Variants in IGSF8 observed in about 807,000 individuals in gnomAD.
IGSF8 encodes the protein CD81 partner 3.
A neutral mutation model predicts 55.5 loss-of-function variants in IGSF8; 46 were observed. The observed-to-expected ratio is 0.83, with a 90% CI of 0.65 to 1.06. IGSF8 has a LOEUF of 1.06. Among genes scored for constraint, IGSF8 ranks in the 50% least tolerant of loss-of-function variants. The pLI, the probability that IGSF8 is intolerant of heterozygous loss-of-function variation, is 0.00. For synonymous variants in IGSF8, 314 were observed against 356.1 expected, an observed-to-expected ratio of 0.88 and a Z score of 1.33; for missense variants, 731 against 832.3, an observed-to-expected ratio of 0.88 and a Z score of 1.50.
chr1:160,095,148 C>T lies in IGSF8; in HGVS notation c.163G>A (p.Glu55Lys), dbSNP rs777533380. ...TCGAAGTTCTGCTGGGCAGGGCCCTCATAGCCGGTCACATTGCAGGAGATG... is the reference window on the plus strand; with the variant it reads ...TCGAAGTTCTGCTGGGCAGGGCCCTTATAGCCGGTCACATTGCAGGAGATG... Reference protein sequence around the residue: ...VSISCNVTGYEGPAQQNFEWF... With the variant: ...VSISCNVTGYKGPAQQNFEWF... The change falls in exon 2 of 7, where the codon GAG (glutamate) becomes AAG (lysine). Residue 55 changes from glutamate to lysine, a missense_variant. Physicochemically the swap from Glu to Lys is moderately conservative, Grantham distance 56 (BLOSUM62 1). Transcript: ENST00000314485. 2.5e-6 allele frequency: 4 copies of T among 1,613,652 alleles called. No homozygotes were observed. The highest frequency in any genetic ancestry group is 1.1e-5 in the South Asian group (1 of 91,088).
rs753685342 is a variant in IGSF8, at chr1:160,091,841, C to T, written c.1824G>A (p.Lys608=). 13 of 1,613,728 alleles carry T rather than the reference C, an allele frequency of 8.1e-6. No homozygotes were observed. The highest frequency in any genetic ancestry group is 3.3e-5 in the South Asian group (3 of 91,084). ...VLGTITCCFM[K]RLRKR is the part of the protein sequence containing the mutation. ...TAAGGGATCACCGTTTTCGAAGCCT[C>T]TTCATGAAGCAGCAAGTGATGGTAC... Residue 608 remains lysine, a synonymous_variant, in exon 6 of 7, where the codon AAG becomes AAA. Transcript: ENST00000314485.
chr1:160,093,660 G>A (rs1181926982), intron 3 of IGSF8, 50 bp downstream of exon 3: 9 of 1,477,574 alleles, frequency 6.1e-6, no homozygotes, highest in Non-Finnish European at 8.3e-6. Context: ...GTGCCCACCA[G>A]GATACTGTCC....
rs1186474444 is a variant in IGSF8, at chr1:160,093,254, C to T, written c.982G>A (p.Val328Met). The change falls in exon 4 of 7, where the codon GTG (valine) becomes ATG (methionine). Residue 328 changes from valine (V) to methionine (M), a missense_variant. Val to Met is a conservative substitution (Grantham distance 21, BLOSUM62 1). Transcript: ENST00000314485. Reference sequence around the variant, plus strand: ...CCTGCTGGGGGAAGTGCCCCTGACACATTGCACAGCAGTTCCAAGGGCTCC... The same window carrying T: ...CCTGCTGGGGGAAGTGCCCCTGACATATTGCACAGCAGTTCCAAGGGCTCC... ...PGEPLELLCN[V>M]SGALPPAGRH... 1.2e-6 allele frequency: 2 copies of T among 1,613,742 alleles called. No individual in the cohort carries two copies. The highest frequency in any genetic ancestry group is 2.2e-5 in the East Asian group (1 of 44,898).
At position 160,093,992 on chromosome 1, in the gene IGSF8, C is replaced by T. The variant is rs777071877; in HGVS notation, c.622G>A (p.Glu208Lys). ...AGAGTTGACCGCCCAACTGGTGCCTCGGGCACAGATCGCCCAAAGGACACT... is the reference window on the plus strand; with the variant it reads ...AGAGTTGACCGCCCAACTGGTGCCTTGGGCACAGATCGCCCAAAGGACACT... ...LAVSFGRSVP[E>K]APVGRSTLQE... The change falls in exon 3 of 7, where the codon GAG (glutamate) becomes AAG (lysine). Residue 208 changes from glutamate (E) to lysine (K), a missense_variant. Transcript: ENST00000314485. The T allele has an allele frequency of 1.7e-5, 28 of 1,614,136 alleles. No homozygotes were observed. The Admixed American group carries it at 2.2e-4, about 12-fold the overall frequency.
chr1:160,092,169 C>T (rs12401728), intron 5 of IGSF8, 113 bp downstream of exon 5: 248,842 of 1,198,746 alleles, frequency 0.21, 27,971 homozygotes, highest in Admixed American at 0.27. Flanking sequence ...CTTCATGTGA[C>T]ATAATGTGGA....
In IGSF8 at chr1:160,094,243, T is replaced by C; in HGVS notation, c.443-72A>G. On this transcript the variant is annotated intron_variant, in intron 2 of 6. Coordinates refer to ENST00000314485, the MANE Select transcript of IGSF8 (RefSeq NM_052868.6). This position sits in a 1 kb window ranked among gnomAD's most constrained non-coding sequence, Gnocchi z 4.0. ...TTGTTACTGTTTCCTGTGTATAGCC[T>C]ATCTCCCTAAATAAACTGTGAGCTC... 4.3e-6 allele frequency: 4 copies of C among 935,808 alleles called. No homozygotes were observed. Among genetic ancestry groups the C allele is most frequent in the South Asian group, 1.6e-5 (1 of 60,852 alleles). 58.0% of individuals were successfully genotyped at this position (935,808 alleles called of 1,614,324 possible). A position where few individuals can be genotyped will look rare whatever the true frequency, so the allele number is the denominator to read the frequency against.
intron 1 of IGSF8, among the ~76,000 whole-genome samples, chr1:160,095,870 GC>G (rs1165072286): frequency 6.6e-6 from 1 of 152,254 alleles, no homozygotes; most frequent in Non-Finnish European, 1.5e-5. Flanking sequence ...TGCCCAGGCA[GC>G]TGGGGCTTCT....
chr1:160,091,688 C>G, intron 6 of IGSF8, 80 bp from the exon 7 acceptor site: 1 of 696,998 alleles, frequency 1.4e-6, no homozygotes, highest in Non-Finnish European at 2.6e-6. Flanking sequence ...CTTAACAGGG[C>G]CCTGTGGATC....
rs147903083 is a variant in IGSF8 at position 160,096,142 on chromosome 1, C to T, written c.65-896G>A. Among the ~76,000 whole-genome samples, 379 of 152,276 alleles carry T rather than the reference C, an allele frequency of 2.5e-3. 5 individuals are homozygous for T. The highest frequency in any genetic ancestry group is 8.6e-3 in the African/African-American group (359 of 41,554). The stretch of plus-strand genomic sequence containing the variant: ...CTCTCTTCTTCACCCTACTCCACCC[C>T]TATGCCCAACCCTACCCCAGCAGAT... On this transcript the variant is annotated intron_variant, in intron 1 of 6. Transcript: ENST00000314485.
rs756962178 is a variant in IGSF8, at chr1:160,095,230, G to A, written c.81C>T (p.Ala27=). ...GCCCCTCGGGGACCAGCACCTCCCG[G>A]GCCCAGCATCCCATTCCTGTAGGGA... is the stretch of plus-strand genomic sequence containing the variant. ...LLLMLGMGCW[A]REVLVPEGPL... The change falls in exon 2 of 7, where the codon GCC becomes GCT. Residue 27 remains alanine, a synonymous_variant. Transcript: ENST00000314485. 6.2e-7 allele frequency: 1 copy of A among 1,602,758 alleles called. No individual in the cohort carries two copies. The highest frequency in any genetic ancestry group is 1.1e-5 in the South Asian group (1 of 91,062).
In IGSF8 at chr1:160,092,245, A is replaced by T. The variant is rs149643143; in HGVS notation, c.1726+37T>A. 1,270 of 1,601,928 alleles carry T rather than the reference A, an allele frequency of 7.9e-4. 6 individuals carry two copies. In the East Asian group the frequency reaches 0.012, roughly 15 times the overall value. ...AAGGCCAGTGGCAGAGGCCAGGAGG[A>T]AGGCAGAGTGAGGAGGGTGGAGGGG... On this transcript the variant is annotated intron_variant, in intron 5 of 6. Coordinates refer to ENST00000314485, the MANE Select transcript of IGSF8 (RefSeq NM_052868.6).
intron 5 of IGSF8, 150 bp downstream of exon 5, chr1:160,092,132 C>A: frequency 1.0e-6 from 1 of 966,146 alleles, no homozygotes; most frequent in Non-Finnish European, 1.6e-6. Context: ...GTGGGCACTG[C>A]AGGGCTGGAA....
upstream of IGSF8, chr1:160,098,738 C>T (rs1444941255): frequency 1.0e-4 from 44 of 426,514 alleles, no homozygotes; most frequent in African/African-American, 6.9e-4. Context: ...CCGCCCCGCC[C>T]CGGACCCAGC....
At chr1:160,095,832 G>A (rs1650392145) in intron 1 of IGSF8, among the ~76,000 whole-genome samples, 1 of 152,198 alleles carries the variant, frequency 6.6e-6, no homozygotes. Flanking sequence ...TGCGCCATGA[G>A]CTCACTGCTT....
rs1321083740 is a variant in IGSF8 at position 160,093,896 on chromosome 1, C to T, written c.718G>A (p.Ala240Thr). Residue 240 changes from alanine to threonine, a missense_variant, in exon 3 of 7, where the codon GCA (alanine) becomes ACA (threonine). Coordinates refer to ENST00000314485, the MANE Select transcript of IGSF8 (RefSeq NM_052868.6). ...TCCTTGCCCAGACGAAGCTCCCCTG[C>T]AGCCAATCGCTCAGCATAGGGAGCT... The part of the protein sequence containing the change: ...AGAPYAERLA[A>T]GELRLGKEGT... The T allele has an allele frequency of 1.2e-6, 2 of 1,614,120 alleles. No homozygotes were observed. Among genetic ancestry groups the T allele is most frequent in the East Asian group, 2.2e-5 (1 of 44,904 alleles).
chr1:160,093,868 C>A lies in IGSF8; in HGVS notation c.746G>T (p.Gly249Val). The change falls in exon 3 of 7, where the codon GGG becomes GTG. Residue 249 changes from glycine to valine, a missense_variant. Transcript: ENST00000314485. ...TACTACCATGCGGTACCGATCGGTC[C>A]CTTCCTTGCCCAGACGAAGCTCCCC... ...AAGELRLGKE[G>V]TDRYRMVVGG... The A allele has an allele frequency of 6.2e-7, 1 of 1,614,220 alleles. No individual in the cohort carries two copies. The highest frequency in any genetic ancestry group is 8.5e-7 in the Non-Finnish European group (1 of 1,180,028).
chr1:160,097,887 G>T (rs541907538), intron 1 of IGSF8: 1 of 985,338 alleles, frequency 1.0e-6, no homozygotes, highest in Non-Finnish European at 1.2e-6. Flanking sequence ...GGGTGGAGAT[G>T]GGGGTGAGAG....
chr1:160,092,464 C>T lies in IGSF8; in HGVS notation c.1544G>A (p.Gly515Asp), dbSNP rs1478628889. Reference sequence around the variant, plus strand: ...CCCCACCAGCTCTACGCTGACAGGGCCTCCTCCAGGCCGGACTCCCAGCTC... The same window carrying T: ...CCCCACCAGCTCTACGCTGACAGGGTCTCCTCCAGGCCGGACTCCCAGCTC... ...VAELGVRPGG[G>D]PVSVELVGPR... Residue 515 changes from glycine to aspartate, a missense_variant, in exon 5 of 7, where the codon GGC becomes GAC. Physicochemically the swap from Gly to Asp is moderately conservative, Grantham distance 94 (BLOSUM62 -1). Coordinates refer to ENST00000314485, the MANE Select transcript of IGSF8 (RefSeq NM_052868.6). 1 of 1,613,128 alleles carries T rather than the reference C, an allele frequency of 6.2e-7. No individual in the cohort carries two copies. The highest frequency in any genetic ancestry group is 1.3e-5 in the African/African-American group (1 of 75,058).
Position 160,091,883 on chromosome 1 carries a change from A to G in IGSF8, c.1782T>C (p.Thr594=), listed in dbSNP as rs539810732. 2.1e-5 allele frequency: 34 copies of G among 1,614,086 alleles called. No individual in the cohort carries two copies. The highest frequency in any genetic ancestry group is 2.7e-5 in the African/African-American group (2 of 75,020). The change falls in exon 6 of 7, where the codon ACT becomes ACC. Residue 594 remains threonine (T), a synonymous_variant. Transcript: ENST00000314485. ...TGATGGTACCAAGGACAGTGGCACC[A>G]GTGACTAGGGCCACCCCTGTACCCA... The part of the protein sequence containing the change: ...LLVGTGVALV[T]GATVLGTITC...
Sources: gnomAD v4.1 joint callset for allele counts (sites outside exome capture counted in the v4.1 genomes callset) on GRCh38, gnomAD v4.1.1 for gene constraint, Gnocchi (gnomAD v3.1) non-coding constraint, MANE v1.5 for transcripts, NCBI Gene and HGNC (gene_info 2026-07-23, HGNC 2026-07-21) for gene names.